NUP88: variants seen among roughly 807,000 people sequenced by gnomAD.
NUP88 encodes the protein nucleoporin 88.
A neutral mutation model predicts 93.9 loss-of-function variants in NUP88; 57 were observed. That is an observed-to-expected ratio of 0.61 (90% CI 0.49 to 0.76). The LOEUF (loss-of-function observed/expected upper bound fraction) is 0.76. NUP88 is among the 30% of genes least tolerant of loss of function. The pLI, the probability that NUP88 is intolerant of heterozygous loss-of-function variation, is 0.00. For missense variants in NUP88, 911 were observed against 901.0 expected, an observed-to-expected ratio of 1.01 and a Z score of -0.14; for synonymous variants, 346 against 336.8, an observed-to-expected ratio of 1.03 and a Z score of -0.30.
intron 15 of NUP88, 49 bp downstream of exon 15, chr17:5,386,935 G>T: frequency 6.2e-7 from 1 of 1,603,710 alleles, no homozygotes; most frequent in South Asian, 1.1e-5. Flanking sequence ...TGTAGAATAA[G>T]TGCTTTAAGA....
chr17:5,419,602 A>C lies in NUP88; in HGVS notation c.49T>G (p.Trp17Gly). The C allele has an allele frequency of 6.2e-7, 1 of 1,603,822 alleles. No individual in the cohort carries two copies. The highest frequency in any genetic ancestry group is 1.7e-4 in the Middle Eastern group (1 of 6,038). Residue 17 changes from tryptophan to glycine, a missense_variant, in exon 1 of 17, where the codon TGG (tryptophan) becomes GGG (glycine). Transcript: ENST00000573584. ...PVGDGELWQTWLPNHVVFLRL... is the reference protein window; with the variant it reads ...PVGDGELWQTGLPNHVVFLRL... ...AAGAACACGACGTGGTTAGGAAGCC[A>C]GGTCTGCCACAGCTCGCCGTCGCCC... is the stretch of plus-strand genomic sequence containing the variant.
At chr17:5,408,145 C>T (rs1184768526) in intron 5 of NUP88, among the ~76,000 whole-genome samples, 1 of 152,220 alleles carries the variant, frequency 6.6e-6, no homozygotes, top group Non-Finnish European at 1.5e-5. Flanking sequence ...GCTTGAATGA[C>T]ACTTGCACTT....
Position 5,387,387 on chromosome 17 carries a change from T to C in NUP88, c.1915A>G (p.Arg639Gly), listed in dbSNP as rs757334791. 2 of 1,612,772 alleles carry C rather than the reference T, an allele frequency of 1.2e-6. No individual in the cohort carries two copies. The highest frequency in any genetic ancestry group is 1.7e-6 in the Non-Finnish European group (2 of 1,178,744). Reference sequence around the variant, plus strand: ...CTAAATGTTATACAGCCCACTGACCTGTTCATGATATCCTCTTGTTTTTCT... The same window carrying C: ...CTAAATGTTATACAGCCCACTGACCCGTTCATGATATCCTCTTGTTTTTCT... ...AKEKQEDIMN[R>G]MKKLLHSFHS... Residue 639 changes from arginine (R) to glycine (G), a missense_variant and splice_region_variant, in exon 14 of 17, where the codon AGG (arginine) becomes GGG (glycine). Coordinates refer to ENST00000573584, the MANE Select transcript of NUP88 (RefSeq NM_002532.6).
rs747826450 is a variant in NUP88, at chr17:5,387,615, G to A, written c.1825C>T (p.Arg609Ter). The change falls in exon 13 of 17, where the codon CGA (arginine) becomes TGA (stop). Residue 609 changes from arginine (R) to a stop codon, truncating the protein, a stop_gained. Transcript: ENST00000573584. LOFTEE classifies it high-confidence loss of function. Reference sequence around the variant, plus strand: ...ATTTTTGACACTTACCTCTCTTCTCGACAATAACTGAGATCTTCTAGTTGT... The same window carrying A: ...ATTTTTGACACTTACCTCTCTTCTCAACAATAACTGAGATCTTCTAGTTGT... ...KKQLEDLSYC[R>*]EERKSLREMA... 20 of 1,612,678 alleles carry A rather than the reference G, an allele frequency of 1.2e-5. No homozygotes were observed. In the South Asian group the frequency reaches 1.6e-4, roughly 13 times the overall value.
intron 8 of NUP88, among the ~76,000 whole-genome samples, chr17:5,398,799 G>A (rs1912951609): frequency 6.6e-6 from 1 of 151,268 alleles, no homozygotes; most frequent in Non-Finnish European, 1.5e-5. Context: ...ATGTTGGTTG[G>A]CCAGGATGGT....
At chr17:5,397,640 A>G (rs1245319939) in intron 8 of NUP88, among the ~76,000 whole-genome samples, 4 of 152,236 alleles carry the variant, frequency 2.6e-5, no homozygotes, top group Non-Finnish European at 1.5e-5. Context: ...AAACTATAAG[A>G]TAACAAATTT....
At chr17:5,388,062 G>A (rs1187661465) in intron 11 of NUP88, 158 bp from the exon 12 acceptor site, 7 of 611,700 alleles carry the variant, frequency 1.1e-5, no homozygotes, top group Admixed American at 3.3e-5. Context: ...GTGCATTGGT[G>A]CTATCTCGGC....
Position 5,388,876 on chromosome 17 carries a change from A to G in NUP88, c.1569T>C (p.Ala523=), listed in dbSNP as rs1912226808. Reference sequence around the variant, plus strand: ...GCTTTTCAAAGGAATCTGGGGTTTCAGCCAGAACACGGAGGGGAGACTCTG... The same window carrying G: ...GCTTTTCAAAGGAATCTGGGGTTTCGGCCAGAACACGGAGGGGAGACTCTG... ...EVAESPLRVL[A]ETPDSFEKHI... The change falls in exon 11 of 17, where the codon GCT becomes GCC. Residue 523 remains alanine (A), a synonymous_variant. Coordinates refer to ENST00000573584, the MANE Select transcript of NUP88 (RefSeq NM_002532.6). 6.2e-7 allele frequency: 1 copy of G among 1,613,980 alleles called. No homozygotes were observed. The highest frequency in any genetic ancestry group is 8.5e-7 in the Non-Finnish European group (1 of 1,179,968).
intron 2 of NUP88, 55 bp from the exon 3 acceptor site, chr17:5,414,189 T>A: frequency 6.5e-7 from 1 of 1,534,816 alleles, no homozygotes; most frequent in Non-Finnish European, 8.9e-7. Context: ...GATGAAAATC[T>A]TCTAAAGGAA....
At chr17:5,386,547 T>C (rs79772306) in intron 16 of NUP88, 161 bp downstream of exon 16, 1 of 214,106 alleles carries the variant, frequency 4.7e-6, no homozygotes, top group Non-Finnish European at 7.0e-6. Context: ...CCTCCCACCA[T>C]AGTCATTTCT....
chr17:5,392,331 C>T (rs1175114121), intron 9 of NUP88, among the ~76,000 whole-genome samples: 1 of 152,186 alleles, frequency 6.6e-6, no homozygotes, highest in East Asian at 1.9e-4. Flanking sequence ...AGCTTGCAAA[C>T]TCATGTCTCT....
chr17:5,409,374 C>CAAAAA (rs10611297), intron 4 of NUP88, among the ~76,000 whole-genome samples: 1 of 99,810 alleles, frequency 1.0e-5, no homozygotes, highest in African/African-American at 3.7e-5. Flanking sequence ...AACTCCGTCT[C>CAAAAA]AAAAAAAAAA....
intron 7 of NUP88, among the ~76,000 whole-genome samples, chr17:5,400,026 A>T (rs79565524): frequency 6.6e-6 from 1 of 150,554 alleles, no homozygotes; most frequent in Admixed American, 6.7e-5. Context: ...AAATATGTAC[A>T]TACCTTAACC....
At chr17:5,409,002 TAA>T in intron 4 of NUP88, 93 bp from the exon 5 acceptor site, 1 of 1,034,100 alleles carries the variant, frequency 9.7e-7, no homozygotes, top group South Asian at 1.7e-5. Context: ...AAATGTCTAA[TAA>T]CAGGAGGTGG....
intron 10 of NUP88, 121 bp from the exon 11 acceptor site, chr17:5,389,081 G>C: frequency 1.1e-5 from 8 of 711,530 alleles, no homozygotes; most frequent in Non-Finnish European, 1.7e-5. Context: ...TTTTGTAAAA[G>C]TGCAAGAATG....
rs1307961935 is a variant in NUP88 at position 5,386,813 on chromosome 17, T to G, written c.2057A>C (p.Lys686Thr). The part of the protein sequence containing the change: ...GNAIKQVTMK[K>T]DYQQQKMEKV... ...CTCCATCTTTTGCTGTTGATAATCCTTTTTCATAGTAACCTTAAGTATTAA... is the reference window on the plus strand; with the variant it reads ...CTCCATCTTTTGCTGTTGATAATCCGTTTTCATAGTAACCTTAAGTATTAA... Residue 686 changes from lysine (K) to threonine (T), a missense_variant, in exon 16 of 17, where the codon AAG becomes ACG. By Grantham distance (78) the Lys-to-Thr change is moderately conservative (BLOSUM62 -1). Coordinates refer to ENST00000573584, the MANE Select transcript of NUP88 (RefSeq NM_002532.6). 6.2e-7 allele frequency: 1 copy of G among 1,611,434 alleles called. No individual in the cohort carries two copies.
At position 5,387,596 on chromosome 17, in the gene NUP88, G is replaced by T; in HGVS notation, c.1835+9C>A. On this transcript the variant is annotated intron_variant, in intron 13 of 16. Transcript: ENST00000573584. ...GACCTATTGTATTCTTCTTATTTTT[G>T]ACACTTACCTCTCTTCTCGACAATA... The T allele has an allele frequency of 1.9e-6, 3 of 1,610,854 alleles. No homozygotes were observed. The South Asian group carries it at 3.3e-5, about 18-fold the overall frequency.
In NUP88 at chr17:5,385,096, T is replaced by G. The variant is rs1439588717; in HGVS notation, c.*1110A>C. ...TAATAAAATCATCACAATTAGGGAATGGTTAGTGGTCTCTACTGTGGCAAA... is the reference window on the plus strand; with the variant it reads ...TAATAAAATCATCACAATTAGGGAAGGGTTAGTGGTCTCTACTGTGGCAAA... On this transcript the variant is annotated 3_prime_UTR_variant, in exon 17 of 17. Transcript: ENST00000573584. 1 of 229,450 alleles carries G rather than the reference T, an allele frequency of 4.4e-6. No individual in the cohort carries two copies. The highest frequency in any genetic ancestry group is 8.6e-6 in the Non-Finnish European group (1 of 115,790). 14.2% of individuals were successfully genotyped at this position (229,450 alleles called of 1,614,324 possible). A position where few individuals can be genotyped will look rare whatever the true frequency, so the allele number is the denominator to read the frequency against.
intron 11 of NUP88, 138 bp downstream of exon 11, chr17:5,388,664 T>C: frequency 1.4e-6 from 1 of 715,380 alleles, no homozygotes; most frequent in East Asian, 3.0e-5. Flanking sequence ...ATTCACTAGC[T>C]GATCAAATAT....
Sources: allele counts gnomAD v4.1 joint callset (sites outside exome capture counted in the v4.1 genomes callset), GRCh38; gene constraint gnomAD v4.1.1; transcripts MANE v1.5; gene names NCBI Gene and HGNC (gene_info 2026-07-23, HGNC 2026-07-21).